CDKAL1: variants seen among roughly 807,000 people sequenced by gnomAD.
The protein encoded by CDKAL1 is CDKAL1 threonylcarbamoyladenosine tRNA methylthiotransferase, also known as threonylcarbamoyladenosine tRNA methylthiotransferase.
A neutral mutation model predicts 68.2 loss-of-function variants in CDKAL1; 32 were observed. That is an observed-to-expected ratio of 0.47 (90% CI 0.35 to 0.63). CDKAL1 has a LOEUF of 0.63. Among genes scored for constraint, CDKAL1 ranks in the 30% least tolerant of loss-of-function variants. The probability of loss-of-function intolerance (pLI) is 0.00; values close to 1 mark genes in which losing one functional copy is unlikely to be tolerated. For synonymous variants in CDKAL1, 234 were observed against 244.3 expected (o/e 0.96, Z 0.39); for missense variants, 606 against 696.7 (o/e 0.87, Z 1.47).
chr6:20,761,786 G>C (rs1774480063), intron 7 of CDKAL1, among the ~76,000 whole-genome samples: 1 of 152,158 alleles, frequency 6.6e-6, no homozygotes, highest in Non-Finnish European at 1.5e-5. Flanking sequence ...TGTGTAGGCA[G>C]AAAACAGAAG....
At chr6:21,092,031 C>T (rs1273595679) in intron 12 of CDKAL1, among the ~76,000 whole-genome samples, 24 of 150,234 alleles carry the variant, frequency 1.6e-4, no homozygotes, top group African/African-American at 4.4e-4. Context: ...GGACTACAGG[C>T]GCCCGCCACT....
At chr6:20,699,860 T>A (rs1771263400) in intron 5 of CDKAL1, among the ~76,000 whole-genome samples, 1 of 152,226 alleles carries the variant, frequency 6.6e-6, no homozygotes, top group Admixed American at 6.5e-5. Context: ...ACCTGTCTAC[T>A]GAGTTATTTA....
intron 5 of CDKAL1, among the ~76,000 whole-genome samples, chr6:20,652,917 T>C (rs989270006): frequency 1.3e-5 from 2 of 152,216 alleles, no homozygotes; most frequent in African/African-American, 4.8e-5. Context: ...TCCTTACTTT[T>C]ATTAGTTAAT....
intron 8 of CDKAL1, among the ~76,000 whole-genome samples, chr6:20,829,796 T>C (rs547303081): frequency 8.5e-5 from 13 of 152,350 alleles, no homozygotes; most frequent in African/African-American, 3.1e-4. Flanking sequence ...GGTACTTGGA[T>C]CAACTATTCT....
chr6:21,054,505 G>C (rs747609890), intron 11 of CDKAL1, among the ~76,000 whole-genome samples: 1 of 151,988 alleles, frequency 6.6e-6, no homozygotes, highest in Non-Finnish European at 1.5e-5. Context: ...CTGTTATTTT[G>C]ATAGGAGTTG....
At chr6:20,617,704 G>A (rs921707897) in intron 4 of CDKAL1, among the ~76,000 whole-genome samples, 7 of 152,130 alleles carry the variant, frequency 4.6e-5, no homozygotes, top group African/African-American at 1.7e-4. Context: ...TGCTTAGAAT[G>A]ATGGTTTCCA....
At chr6:21,067,848 C>G (rs1284639029) in intron 12 of CDKAL1, among the ~76,000 whole-genome samples, 1 of 152,146 alleles carries the variant, frequency 6.6e-6, no homozygotes, top group Non-Finnish European at 1.5e-5. Flanking sequence ...ATGGTAGAAG[C>G]TCCATATTCT....
intron 13 of CDKAL1, among the ~76,000 whole-genome samples, chr6:21,122,167 G>A (rs77391030): frequency 1.3e-5 from 2 of 152,188 alleles, no homozygotes; most frequent in East Asian, 3.8e-4. Flanking sequence ...AATCTGTACA[G>A]GATCCTAATA....
intron 10 of CDKAL1, among the ~76,000 whole-genome samples, chr6:20,984,057 CG>C (rs1370852264): frequency 6.6e-6 from 1 of 152,144 alleles, no homozygotes; most frequent in African/African-American, 2.4e-5. Context: ...TCTAAGATCG[CG>C]TGAAGTAAAA....
chr6:21,018,894 A>G (rs1768481689), intron 11 of CDKAL1, among the ~76,000 whole-genome samples: 1 of 152,102 alleles, frequency 6.6e-6, no homozygotes, highest in African/African-American at 2.4e-5. Context: ...GAAGATATAC[A>G]TGGCCCACCT....
chr6:20,595,975 CCTGTTTACCTGGGTATGACCAGCAGAGG>C, intron 4 of CDKAL1, among the ~76,000 whole-genome samples: 1 of 152,134 alleles, frequency 6.6e-6, no homozygotes, highest in Non-Finnish European at 1.5e-5. Flanking sequence ...CACTCCAGAC[CCTGTTTACCTGGGTATGACCAGCAGAGG>C]CTGCCGAACA....
At chr6:20,667,487 C>G (rs1183127934) in intron 5 of CDKAL1, among the ~76,000 whole-genome samples, 1 of 152,054 alleles carries the variant, frequency 6.6e-6, no homozygotes, top group East Asian at 1.9e-4. Context: ...TTTACACCCC[C>G]CTTCCCTCAA....
intron 4 of CDKAL1, among the ~76,000 whole-genome samples, chr6:20,589,219 G>T (rs1765494948): frequency 6.6e-6 from 1 of 152,050 alleles, no homozygotes; most frequent in African/African-American, 2.4e-5. Flanking sequence ...AAATACTAAA[G>T]ATACTAGTAA....
chr6:20,726,326 C>G (rs1275042784), intron 5 of CDKAL1, among the ~76,000 whole-genome samples: 1 of 152,166 alleles, frequency 6.6e-6, no homozygotes, highest in Non-Finnish European at 1.5e-5. Context: ...ATATATCCTA[C>G]TTTTCTGCAC....
chr6:21,140,821 TG>T (rs1775863952), intron 13 of CDKAL1, among the ~76,000 whole-genome samples: 2 of 151,984 alleles, frequency 1.3e-5, no homozygotes, highest in African/African-American at 4.8e-5. Context: ...TACCCGAGAC[TG>T]GGAAGAAAAA....
chr6:20,703,668 A>G (rs1353908482), intron 5 of CDKAL1, among the ~76,000 whole-genome samples: 1 of 152,162 alleles, frequency 6.6e-6, no homozygotes, highest in Admixed American at 6.5e-5. Context: ...GCTTTTTTCT[A>G]GGGAAGGTTA....
rs564727321 is a variant in CDKAL1 at position 20,958,024 on chromosome 6, C to T, written c.909+2439C>T. Among the ~76,000 whole-genome samples the T allele has an allele frequency of 1.5e-4, 23 of 151,172 alleles. No homozygotes were observed. In the South Asian group the frequency reaches 4.4e-3, roughly 29 times the overall value. On this transcript the variant is annotated intron_variant, in intron 10 of 15. Transcript: ENST00000274695. ...TTCTTCATAAAATAAATTATAGAGCCCACACTGTAGTCTTGAACTTTGAAA... is the reference window on the plus strand; with the variant it reads ...TTCTTCATAAAATAAATTATAGAGCTCACACTGTAGTCTTGAACTTTGAAA...
intron 9 of CDKAL1, among the ~76,000 whole-genome samples, chr6:20,919,040 G>T (rs2150644382): frequency 6.6e-6 from 1 of 152,308 alleles, no homozygotes. Context: ...TTTTCCGTGA[G>T]AACTCAGCAA....
intron 13 of CDKAL1, among the ~76,000 whole-genome samples, chr6:21,131,361 AG>A (rs1306271467): frequency 1.3e-5 from 2 of 152,246 alleles, no homozygotes; most frequent in Non-Finnish European, 2.9e-5. Context: ...ACTGCCTTTC[AG>A]GGTGTTTGTC....
Sources: gnomAD v4.1 joint callset for allele counts (sites outside exome capture counted in the v4.1 genomes callset) on GRCh38, gnomAD v4.1.1 for gene constraint, MANE v1.5 for transcripts, NCBI Gene and HGNC (gene_info 2026-07-23, HGNC 2026-07-21) for gene names.